ITPR1: variants seen among roughly 807,000 people sequenced by gnomAD.
ITPR1 encodes inositol 1,4,5-trisphosphate-gated calcium channel ITPR1.
In ITPR1, 96 loss-of-function variants were observed where a neutral mutation model predicts 318.4. The ratio of observed to expected loss-of-function variants is 0.30; its 90% CI spans 0.26 to 0.36. The LOEUF (loss-of-function observed/expected upper bound fraction) is 0.36, where lower values mean the gene tolerates loss of function less well. Among genes scored for constraint, ITPR1 ranks in the 10% least tolerant of loss-of-function variants. The pLI is 1.00. For synonymous variants in ITPR1, 1,312 were observed against 1,289.9 expected (o/e 1.02, Z -0.37); for missense variants, 2,440 against 3,460.2 (o/e 0.71, Z 7.40).
chr3:4,703,554 A>T (rs2094698411), intron 36 of ITPR1, among the ~76,000 whole-genome samples: 1 of 152,148 alleles, frequency 6.6e-6, no homozygotes, highest in Non-Finnish European at 1.5e-5. Flanking sequence ...TGTTGTGCAA[A>T]GAGGTAAGCT....
At chr3:4,801,902 C>G (rs987860253) in intron 54 of ITPR1, among the ~76,000 whole-genome samples, 1 of 152,124 alleles carries the variant, frequency 6.6e-6, no homozygotes, top group Admixed American at 6.5e-5. Flanking sequence ...TGGGAAAGCT[C>G]GGGATGTTAT....
At chr3:4,763,665 G>A (rs1230575109) in intron 44 of ITPR1, among the ~76,000 whole-genome samples, 1 of 152,160 alleles carries the variant, frequency 6.6e-6, no homozygotes, top group Non-Finnish European at 1.5e-5. Flanking sequence ...ACCCTTGAGC[G>A]ACTGAGGACT....
At chr3:4,619,669 TG>T (rs1487032593) in intron 4 of ITPR1, among the ~76,000 whole-genome samples, 5 of 3,036 alleles carry the variant, frequency 1.6e-3, no homozygotes, top group East Asian at 0.021. Flanking sequence ...TGCTCTCCTC[TG>T]CTCTCCCCTG....
chr3:4,728,964 C>G (rs1037897691), intron 42 of ITPR1, among the ~76,000 whole-genome samples: 15 of 152,206 alleles, frequency 9.9e-5, no homozygotes, highest in African/African-American at 3.6e-4. Context: ...CCCTTCTTCT[C>G]CAGCTTCCTG....
intron 13 of ITPR1, among the ~76,000 whole-genome samples, chr3:4,660,633 A>G (rs186562269): frequency 6.6e-6 from 1 of 152,300 alleles, no homozygotes; most frequent in East Asian, 1.9e-4. Context: ...GAAAATTTCA[A>G]TCATTGCTGT....
Position 4,678,688 on chromosome 3 carries a change from A to G in ITPR1, c.2968-1865A>G, listed in dbSNP as rs115270666. ...CATGTGACTCCACATGGTAAAGATC[A>G]GAGAAGGGTTGATGGAGGAGGTAGG... is the stretch of plus-strand genomic sequence containing the variant. On this transcript the variant is annotated intron_variant, in intron 24 of 61. Coordinates refer to ENST00000649015, the MANE Select transcript of ITPR1 (RefSeq NM_001378452.1). 2.8e-3 allele frequency among the ~76,000 whole-genome samples: 428 copies of G among 152,288 alleles called. 1 individual carries two copies. Among genetic ancestry groups the G allele is most frequent in the African/African-American group, 9.9e-3 (412 of 41,556 alleles).
At chr3:4,575,349 A>G (rs773964130) in intron 4 of ITPR1, among the ~76,000 whole-genome samples, 1 of 152,226 alleles carries the variant, frequency 6.6e-6, no homozygotes, top group African/African-American at 2.4e-5. Flanking sequence ...ATAAGGATTT[A>G]TATGAGGAAA....
chr3:4,809,312 A>G (rs1312839153), intron 55 of ITPR1, among the ~76,000 whole-genome samples: 2 of 152,248 alleles, frequency 1.3e-5, no homozygotes, highest in Non-Finnish European at 2.9e-5. Flanking sequence ...TGTTCCTCAC[A>G]GCATTATTTG....
intron 3 of ITPR1, among the ~76,000 whole-genome samples, chr3:4,517,101 T>A (rs865899527): frequency 2.0e-5 from 3 of 152,234 alleles, no homozygotes; most frequent in Non-Finnish European, 4.4e-5. Flanking sequence ...GTTCTATAAA[T>A]CAGATTTTTG....
In ITPR1 at chr3:4,777,386, T is replaced by A. The variant is rs762145805; in HGVS notation, c.6291+12T>A. Reference sequence around the variant, plus strand: ...TGTTAGAACTGAAGGCAAGTAGGAATTAAAAGCAGAAGACAGTCATTTGGA... The same window carrying A: ...TGTTAGAACTGAAGGCAAGTAGGAAATAAAAGCAGAAGACAGTCATTTGGA... On this transcript the variant is annotated intron_variant, in intron 48 of 61. Coordinates refer to ENST00000649015, the MANE Select transcript of ITPR1 (RefSeq NM_001378452.1). 4.6e-6 allele frequency: 7 copies of A among 1,509,178 alleles called. No individual in the cohort carries two copies. The highest frequency in any genetic ancestry group is 6.4e-6 in the Non-Finnish European group (7 of 1,098,058). The allele number at this position is 1,509,178 out of a possible 1,614,324, so 93.5% of individuals were successfully genotyped here. A position where few individuals can be genotyped will look rare whatever the true frequency, so the allele number is the denominator to read the frequency against.
chr3:4,576,049 T>C (rs912203382), intron 4 of ITPR1, among the ~76,000 whole-genome samples: 2 of 150,056 alleles, frequency 1.3e-5, no homozygotes, highest in East Asian at 3.9e-4. Context: ...ATGTGGCTGG[T>C]GATAAGAGAT....
Position 4,811,372 on chromosome 3 carries a change from T to A in ITPR1, c.7380T>A (p.Val2460=). ...CAGCAGTTCTGGCTCTGATCCTCGT[T>A]TACCTGTTCTCAATAGTGGGCTATC... is the stretch of plus-strand genomic sequence containing the variant. ...ILTAVLALIL[V]YLFSIVGYLF... Residue 2460 remains valine, a synonymous_variant, in exon 56 of 62, where the codon GTT becomes GTA. Coordinates refer to ENST00000649015, the MANE Select transcript of ITPR1 (RefSeq NM_001378452.1). The A allele has an allele frequency of 1.2e-6, 2 of 1,614,034 alleles. No homozygotes were observed. Among genetic ancestry groups the A allele is most frequent in the Non-Finnish European group, 8.5e-7 (1 of 1,179,868 alleles).
chr3:4,830,252 A>G (rs2050385762), intron 60 of ITPR1, among the ~76,000 whole-genome samples: 1 of 152,130 alleles, frequency 6.6e-6, no homozygotes, highest in Non-Finnish European at 1.5e-5. Context: ...CTGGGATTAC[A>G]GGCGTGAGCC....
intron 4 of ITPR1, among the ~76,000 whole-genome samples, chr3:4,545,292 A>G (rs2084861567): frequency 6.6e-6 from 1 of 152,154 alleles, no homozygotes; most frequent in South Asian, 2.1e-4. Flanking sequence ...TCCTGTTCTT[A>G]TTTCTATACT....
chr3:4,749,714 A>G (rs1454596866), intron 44 of ITPR1: 2 of 152,516 alleles, frequency 1.3e-5, no homozygotes, highest in East Asian at 3.8e-4. Flanking sequence ...AATGCTTGCT[A>G]GGGAAAAGTT....
intron 47 of ITPR1, among the ~76,000 whole-genome samples, chr3:4,775,644 C>T (rs994546722): frequency 1.3e-5 from 2 of 152,174 alleles, no homozygotes; most frequent in African/African-American, 4.8e-5. Flanking sequence ...ATTGGAGGGA[C>T]AGTCCATGGT....
intron 44 of ITPR1, among the ~76,000 whole-genome samples, chr3:4,739,940 A>G (rs1389179943): frequency 1.3e-5 from 2 of 152,168 alleles, no homozygotes; most frequent in Non-Finnish European, 2.9e-5. Context: ...GCTTCTTAGA[A>G]CATGGTGACT....
At chr3:4,514,175 T>A (rs185213159) in intron 2 of ITPR1, among the ~76,000 whole-genome samples, 2 of 152,036 alleles carry the variant, frequency 1.3e-5, no homozygotes, top group Admixed American at 1.3e-4. Flanking sequence ...ATCTTACCTC[T>A]CTGTATTACA....
intron 44 of ITPR1, among the ~76,000 whole-genome samples, chr3:4,765,859 G>A (rs1266194204): frequency 6.6e-6 from 1 of 152,144 alleles, no homozygotes; most frequent in African/African-American, 2.4e-5. Context: ...AGAGCTACCT[G>A]TTCATTCTGA....
Sources: allele counts gnomAD v4.1 joint callset (sites outside exome capture counted in the v4.1 genomes callset), GRCh38; gene constraint gnomAD v4.1.1; transcripts MANE v1.5; gene names NCBI Gene and HGNC (gene_info 2026-07-23, HGNC 2026-07-21).